P3H4: variants seen among roughly 807,000 people sequenced by gnomAD.
The protein encoded by P3H4 is endoplasmic reticulum protein SC65.
In P3H4, 47 loss-of-function variants were observed where a neutral mutation model predicts 52.9. That is an observed-to-expected ratio of 0.89 (90% CI 0.70 to 1.13). P3H4 has a LOEUF of 1.13. Among genes scored for constraint, P3H4 ranks in the 50% most tolerant of loss-of-function variants. P3H4 has a pLI of 0.00. For synonymous variants in P3H4, 256 were observed against 267.9 expected, an observed-to-expected ratio of 0.96 and a Z score of 0.44; for missense variants, 585 against 611.0, an observed-to-expected ratio of 0.96 and a Z score of 0.45.
In P3H4 at chr17:41,807,788, G is replaced by A. The variant is rs533950552; in HGVS notation, c.1062+71C>T. 1.7e-4 allele frequency: 268 copies of A among 1,542,600 alleles called. 3 individuals are homozygous for A. In the South Asian group the frequency reaches 2.5e-3, roughly 15 times the overall value. The stretch of plus-strand genomic sequence containing the variant: ...GCTGGGATTACAGGCATGAGCCACC[G>A]CGCCCGGCCGCCAGGAGTTCATTTT... On this transcript the variant is annotated intron_variant, in intron 5 of 7. Transcript: ENST00000393928.
chr17:41,805,086 C>A (rs1288754861), intron 6 of P3H4, among the ~76,000 whole-genome samples: 4 of 151,854 alleles, frequency 2.6e-5, no homozygotes, highest in African/African-American at 9.7e-5. Flanking sequence ...GAGATCGAGA[C>A]CATACGGGGT....
At chr17:41,804,967 T>C (rs2047657942) in intron 6 of P3H4, among the ~76,000 whole-genome samples, 2 of 150,222 alleles carry the variant, frequency 1.3e-5, no homozygotes, top group South Asian at 2.1e-4. Flanking sequence ...AGTGAGATTC[T>C]GTCTCCAAGA....
At chr17:41,805,039 A>G (rs2047658928) in intron 6 of P3H4, among the ~76,000 whole-genome samples, 1 of 151,724 alleles carries the variant, frequency 6.6e-6, no homozygotes, top group Non-Finnish European at 1.5e-5. Flanking sequence ...TAATCCCAGC[A>G]CTCTGGGAGG....
At chr17:41,803,120 C>A in intron 7 of P3H4, 141 bp from the exon 8 acceptor site, 1 of 1,417,408 alleles carries the variant, frequency 7.1e-7, no homozygotes, top group South Asian at 1.3e-5. Flanking sequence ...GATGCTGCAC[C>A]ACCACCCCCA....
intron 6 of P3H4, among the ~76,000 whole-genome samples, chr17:41,805,620 C>T (rs1454164663): frequency 3.3e-5 from 5 of 152,104 alleles, no homozygotes; most frequent in African/African-American, 7.2e-5. Flanking sequence ...CTACCATACC[C>T]GGCCAGATCT....
intron 6 of P3H4, among the ~76,000 whole-genome samples, chr17:41,804,928 G>A (rs563298071): frequency 7.1e-4 from 108 of 151,644 alleles, no homozygotes; most frequent in Middle Eastern, 6.9e-3. Context: ...AGCAGAGATC[G>A]CACCACTGCA....
chr17:41,807,748 T>A, intron 5 of P3H4, 111 bp downstream of exon 5: 1 of 1,357,372 alleles, frequency 7.4e-7, no homozygotes, highest in Non-Finnish European at 1.0e-6. Flanking sequence ...TCCACCCGCC[T>A]CAGCCTCCCA....
chr17:41,806,884 A>C lies in P3H4; in HGVS notation c.1063-5T>G. 1 of 1,611,512 alleles carries C rather than the reference A, an allele frequency of 6.2e-7. No individual in the cohort carries two copies. Among genetic ancestry groups the C allele is most frequent in the African/African-American group, 1.3e-5 (1 of 75,004 alleles). On this transcript the variant is annotated splice_polypyrimidine_tract_variant and splice_region_variant and intron_variant, in intron 5 of 7. Coordinates refer to ENST00000393928, the MANE Select transcript of P3H4 (RefSeq NM_006455.3). ...GTTGTGGTAGAGCATGGCCTCCTGG[A>C]AGGAGGGAAGGACGGGGTGGGGGGT...
chr17:41,802,934 G>A lies in P3H4; in HGVS notation c.*23C>T. The A allele has an allele frequency of 6.2e-7, 1 of 1,610,734 alleles. No individual in the cohort carries two copies. Among genetic ancestry groups the A allele is most frequent in the Non-Finnish European group, 8.5e-7 (1 of 1,178,722 alleles). On this transcript the variant is annotated 3_prime_UTR_variant, in exon 8 of 8. Transcript: ENST00000393928. ...CATCGGCACCAGGCTTCCCAAGCTTGAGCGGTGTGGGGTGTCCCCTTCTCA... is the reference window on the plus strand; with the variant it reads ...CATCGGCACCAGGCTTCCCAAGCTTAAGCGGTGTGGGGTGTCCCCTTCTCA...
chr17:41,810,561 C>T (rs2047719074), intron 3 of P3H4: 1 of 341,402 alleles, frequency 2.9e-6, no homozygotes, highest in Non-Finnish European at 5.4e-6. Flanking sequence ...CTGCTTTCTG[C>T]ACACATCTGC....
At chr17:41,809,898 A>G (rs1489790916) in intron 3 of P3H4, 64 bp from the exon 4 acceptor site, 144 of 1,568,420 alleles carry the variant, frequency 9.2e-5, no homozygotes, top group Non-Finnish European at 1.2e-4. Flanking sequence ...CCCCCAGTGG[A>G]GAAGACTCTA....
chr17:41,802,303 G>A lies in P3H4; in HGVS notation c.*654C>T, dbSNP rs1285521284. 6.9e-6 allele frequency: 1 copy of A among 145,984 alleles called. No homozygotes were observed. The highest frequency in any genetic ancestry group is 1.5e-5 in the Non-Finnish European group (1 of 67,262). 9.0% of individuals were successfully genotyped at this position (145,984 alleles called of 1,614,324 possible). A position where few individuals can be genotyped will look rare whatever the true frequency, so the allele number is the denominator to read the frequency against. ...TTTTTTTTTTTTTTTTTGAGATGGA[G>A]TCTCACTCTGTCGCCCAGGCTGGAG... On this transcript the variant is annotated 3_prime_UTR_variant, in exon 8 of 8. Transcript: ENST00000393928.
intron 6 of P3H4, among the ~76,000 whole-genome samples, chr17:41,805,380 A>G (rs1201911351): frequency 6.6e-6 from 1 of 151,586 alleles, no homozygotes; most frequent in East Asian, 2.0e-4. Context: ...AGGCTGGAGT[A>G]CAGTGGCGCG....
chr17:41,811,242 G>T lies in P3H4; in HGVS notation c.505C>A (p.Leu169Ile). Residue 169 changes from leucine to isoleucine, a missense_variant, in exon 2 of 8, where the codon CTC becomes ATC. Leu to Ile is a conservative substitution (Grantham distance 5, BLOSUM62 2). Transcript: ENST00000393928. The surrounding 1 kb of genome is among the most constrained non-coding windows in gnomAD (Gnocchi z 4.8). Reference sequence around the variant, plus strand: ...AGCTCGTGCTTCGGGTTCCTCTGGAGGAAGGTGTAGGCCGCCGCCACCGCC... The same window carrying T: ...AGCTCGTGCTTCGGGTTCCTCTGGATGAAGGTGTAGGCCGCCGCCACCGCC... ...EKAVAAAYTFLQRNPKHELTA... is the reference protein window; with the variant it reads ...EKAVAAAYTFIQRNPKHELTA... 1 of 1,613,928 alleles carries T rather than the reference G, an allele frequency of 6.2e-7. No individual in the cohort carries two copies. Among genetic ancestry groups the T allele is most frequent in the African/African-American group, 1.3e-5 (1 of 75,074 alleles).
chr17:41,811,424 A>G lies in P3H4; in HGVS notation c.462+30T>C. 6.2e-7 allele frequency: 1 copy of G among 1,610,282 alleles called. No individual in the cohort carries two copies. The highest frequency in any genetic ancestry group is 8.5e-7 in the Non-Finnish European group (1 of 1,178,282). On this transcript the variant is annotated intron_variant, in intron 1 of 7. Coordinates refer to ENST00000393928, the MANE Select transcript of P3H4 (RefSeq NM_006455.3). This position sits in a 1 kb window ranked among gnomAD's most constrained non-coding sequence, Gnocchi z 4.8. Reference sequence around the variant, plus strand: ...GGGGAGCCACGACGCCCAGCCCGAGACAGGTCCCCGGGTGGGGGCGGGCTC... The same window carrying G: ...GGGGAGCCACGACGCCCAGCCCGAGGCAGGTCCCCGGGTGGGGGCGGGCTC...
intron 6 of P3H4, among the ~76,000 whole-genome samples, chr17:41,803,839 G>C (rs2047644140): frequency 1.3e-5 from 2 of 152,306 alleles, no homozygotes; most frequent in Middle Eastern, 6.8e-3. Flanking sequence ...GCCCTTGCTG[G>C]TGACTCTGGC....
intron 3 of P3H4, chr17:41,810,552 T>C (rs1323203491): frequency 3.3e-6 from 1 of 301,470 alleles, no homozygotes; most frequent in African/African-American, 2.2e-5. Flanking sequence ...GGTTATCAAC[T>C]GCTTTCTGCA....
At chr17:41,804,261 C>CTT (rs1555613900) in intron 6 of P3H4, among the ~76,000 whole-genome samples, 1 of 151,850 alleles carries the variant, frequency 6.6e-6, no homozygotes. Flanking sequence ...AGGACCATGA[C>CTT]TTTCACTAAC....
intron 3 of P3H4, 37 bp from the exon 4 acceptor site, chr17:41,809,871 CA>C: frequency 6.2e-7 from 1 of 1,600,398 alleles, no homozygotes. Flanking sequence ...GCTGGCATTG[CA>C]ATGAACATCT....
Sources: gnomAD v4.1 joint callset for allele counts (sites outside exome capture counted in the v4.1 genomes callset) on GRCh38, gnomAD v4.1.1 for gene constraint, Gnocchi (gnomAD v3.1) non-coding constraint, MANE v1.5 for transcripts, NCBI Gene and HGNC (gene_info 2026-07-23, HGNC 2026-07-21) for gene names.